Variants in DAPP1 observed in about 807,000 individuals in gnomAD.
DAPP1 encodes the protein dual adapter for phosphotyrosine and 3-phosphotyrosine and 3-phosphoinositide.
DAPP1 carries 20 observed loss-of-function variants against 41.5 expected under a neutral mutation model. The observed-to-expected ratio is 0.48, with a 90% CI of 0.34 to 0.70. The LOEUF is 0.70. Ranked by LOEUF, DAPP1 falls within the 30% of genes least tolerant of loss-of-function variation. The probability of loss-of-function intolerance (pLI) is 0.01; values close to 1 mark genes in which losing one functional copy is unlikely to be tolerated. For synonymous variants in DAPP1, 113 were observed against 116.2 expected (o/e 0.97, Z 0.18); for missense variants, 233 against 333.4 (o/e 0.70, Z 2.35).
intron 1 of DAPP1, among the ~76,000 whole-genome samples, chr4:99,822,776 G>A (rs745481720): frequency 1.3e-5 from 2 of 152,120 alleles, no homozygotes; most frequent in Non-Finnish European, 2.9e-5. Flanking sequence ...GTTAAAACCT[G>A]CATTAATTTC....
At chr4:99,857,328 G>A (rs1204715918) in intron 4 of DAPP1, among the ~76,000 whole-genome samples, 2 of 152,184 alleles carry the variant, frequency 1.3e-5, no homozygotes, top group African/African-American at 4.8e-5. Flanking sequence ...GGATGAGAAA[G>A]AAGAGCTCTA....
chr4:99,841,399 C>A (rs1723492834), intron 3 of DAPP1, among the ~76,000 whole-genome samples: 1 of 152,178 alleles, frequency 6.6e-6, no homozygotes, highest in Admixed American at 6.5e-5. Flanking sequence ...AATAGTTGCT[C>A]TGCTTTATAC....
intron 3 of DAPP1, 69 bp from the exon 4 acceptor site, chr4:99,853,149 T>C: frequency 6.4e-7 from 1 of 1,569,498 alleles, no homozygotes; most frequent in Non-Finnish European, 8.7e-7. Context: ...CAGCCACAGT[T>C]ATCCAGTTAG....
intron 3 of DAPP1, among the ~76,000 whole-genome samples, chr4:99,842,367 C>T (rs1287031889): frequency 6.6e-6 from 1 of 152,238 alleles, no homozygotes; most frequent in Admixed American, 6.5e-5. Context: ...ACTGCCTCTC[C>T]TCTGTTCTAT....
At chr4:99,833,803 A>G (rs922197678) in intron 1 of DAPP1, among the ~76,000 whole-genome samples, 1 of 152,262 alleles carries the variant, frequency 6.6e-6, no homozygotes, top group Non-Finnish European at 1.5e-5. Flanking sequence ...GTCATGCCAC[A>G]GAGGGTAAAT....
chr4:99,832,042 G>A (rs1318263015), intron 1 of DAPP1, among the ~76,000 whole-genome samples: 7 of 149,946 alleles, frequency 4.7e-5, no homozygotes, highest in African/African-American at 1.2e-4. Flanking sequence ...ACCTGATTTC[G>A]ATCTTTCTTT....
intron 3 of DAPP1, 139 bp downstream of exon 3, chr4:99,840,561 T>G (rs1220283581): frequency 9.4e-7 from 1 of 1,061,798 alleles, no homozygotes; most frequent in African/African-American, 1.6e-5. Context: ...GTATTTTGTA[T>G]AAAGTAGATA....
rs953832702 is a variant in DAPP1, at chr4:99,817,068, A to G, written c.101+54A>G. 28 of 1,322,646 alleles carry G rather than the reference A, an allele frequency of 2.1e-5. No individual in the cohort carries two copies. In the African/African-American group the frequency reaches 3.4e-4, roughly 16 times the overall value. 81.9% of individuals were successfully genotyped at this position (1,322,646 alleles called of 1,614,324 possible). A position where few individuals can be genotyped will look rare whatever the true frequency, so the allele number is the denominator to read the frequency against. On this transcript the variant is annotated intron_variant, in intron 1 of 8. Transcript: ENST00000512369. ...CCTAGTGGGTGGACATTGACTCCGC[A>G]CTCCCACCTGCATGCTTTGATTAAT...
intron 1 of DAPP1, among the ~76,000 whole-genome samples, chr4:99,831,487 C>T (rs9994187): frequency 0.087 from 13,213 of 152,226 alleles, 725 homozygotes; most frequent in African/African-American, 0.15. Context: ...TAATCTCATC[C>T]TTTTAGCACT....
At chr4:99,854,245 C>A (rs1050946241) in intron 4 of DAPP1, among the ~76,000 whole-genome samples, 8 of 152,160 alleles carry the variant, frequency 5.3e-5, no homozygotes, top group Non-Finnish European at 1.0e-4. Flanking sequence ...TCCTCTCCAA[C>A]ACCCTTTTCC....
At chr4:99,832,034 C>T (rs1197072430) in intron 1 of DAPP1, among the ~76,000 whole-genome samples, 5 of 150,934 alleles carry the variant, frequency 3.3e-5, no homozygotes, top group African/African-American at 1.2e-4. Context: ...TTCAGGGAAC[C>T]TGATTTCGAT....
chr4:99,862,076 C>T (rs1437919486), intron 5 of DAPP1, among the ~76,000 whole-genome samples: 2 of 152,142 alleles, frequency 1.3e-5, no homozygotes, highest in African/African-American at 4.8e-5. Context: ...TCAGAGTATC[C>T]AAATGTTCCC....
At chr4:99,856,571 G>T (rs1031156822) in intron 4 of DAPP1, among the ~76,000 whole-genome samples, 2 of 152,172 alleles carry the variant, frequency 1.3e-5, no homozygotes, top group Non-Finnish European at 2.9e-5. Context: ...GCACCTCCCA[G>T]CTGAGCATTT....
At chr4:99,855,471 A>G (rs1271917840) in intron 4 of DAPP1, among the ~76,000 whole-genome samples, 2 of 152,188 alleles carry the variant, frequency 1.3e-5, no homozygotes, top group Non-Finnish European at 2.9e-5. Flanking sequence ...CTTGTTACTT[A>G]CCTTCTTTTC....
Position 99,866,028 on chromosome 4 carries a change from T to A in DAPP1, c.687-6T>A. 1.4e-6 allele frequency: 2 copies of A among 1,429,224 alleles called. No homozygotes were observed. Among genetic ancestry groups the A allele is most frequent in the East Asian group, 5.3e-5 (2 of 37,446 alleles). 88.5% of individuals were successfully genotyped at this position (1,429,224 alleles called of 1,614,324 possible). On this transcript the variant is annotated splice_polypyrimidine_tract_variant and splice_region_variant and intron_variant, in intron 7 of 8. Transcript: ENST00000512369. ...ATATCTTATGTTCTTTCTTTTGTCC[T>A]ATTAGTTTGGTATTTCCATTCAGGA...
At chr4:99,852,349 A>G (rs1418583848) in intron 3 of DAPP1, among the ~76,000 whole-genome samples, 5 of 152,228 alleles carry the variant, frequency 3.3e-5, no homozygotes, top group African/African-American at 1.2e-4. Flanking sequence ...AGAAGAAAAA[A>G]AATCCCCTTA....
intron 5 of DAPP1, 94 bp downstream of exon 5, chr4:99,861,719 A>ATAATTGCC: frequency 2.2e-6 from 3 of 1,375,508 alleles, no homozygotes; most frequent in Non-Finnish European, 3.0e-6. Context: ...TCTTGGAAGC[A>ATAATTGCC]TAATTGCCTG....
At chr4:99,855,507 C>T (rs1334434004) in intron 4 of DAPP1, among the ~76,000 whole-genome samples, 2 of 152,178 alleles carry the variant, frequency 1.3e-5, no homozygotes, top group African/African-American at 4.8e-5. Context: ...GATGGATTCA[C>T]CTCTTTTAAA....
At chr4:99,855,683 T>C (rs186576976) in intron 4 of DAPP1, among the ~76,000 whole-genome samples, 5 of 152,346 alleles carry the variant, frequency 3.3e-5, no homozygotes, top group East Asian at 1.9e-4. Flanking sequence ...TGGGGAATCA[T>C]TGGTGACTGG....
Sources: allele counts gnomAD v4.1 joint callset (sites outside exome capture counted in the v4.1 genomes callset), GRCh38; gene constraint gnomAD v4.1.1; transcripts MANE v1.5; gene names NCBI Gene and HGNC (gene_info 2026-07-23, HGNC 2026-07-21).